The following CMIP variants were observed in gnomAD, a reference collection of about 807,000 sequenced individuals.
CMIP encodes the protein C-Maf-inducing protein.
A neutral mutation model predicts 97.3 loss-of-function variants in CMIP; 13 were observed. The observed-to-expected ratio is 0.13, with a 90% CI of 0.09 to 0.21. The LOEUF is 0.21. Among genes scored for constraint, CMIP ranks in the 10% least tolerant of loss-of-function variants. CMIP has a pLI of 1.00. For synonymous variants in CMIP, 538 were observed against 436.3 expected, an observed-to-expected ratio of 1.23 and a Z score of -2.91; for missense variants, 847 against 1,024.9, an observed-to-expected ratio of 0.83 and a Z score of 2.37.
intron 1 of CMIP, among the ~76,000 whole-genome samples, chr16:81,562,000 G>A (rs2090892763): frequency 6.6e-6 from 1 of 152,184 alleles, no homozygotes; most frequent in South Asian, 2.1e-4. Flanking sequence ...CTCGGGCAGA[G>A]GACATGACAG....
chr16:81,462,332 C>T (rs965178954), intron 1 of CMIP, among the ~76,000 whole-genome samples: 1 of 152,086 alleles, frequency 6.6e-6, no homozygotes. Flanking sequence ...AATGGTAAGA[C>T]AGAGCAGGGC....
chr16:81,580,946 C>CCAGCCGTCTGA (rs147806065), intron 1 of CMIP, among the ~76,000 whole-genome samples: 5,125 of 152,166 alleles, frequency 0.034, 115 homozygotes, highest in Middle Eastern at 0.075. Context: ...CCCCTCTCTT[C>CCAGCCGTCTGA]CAGCCCCCTG....
intron 1 of CMIP, among the ~76,000 whole-genome samples, chr16:81,591,907 C>A (rs1169452432): frequency 6.6e-6 from 1 of 151,772 alleles, no homozygotes; most frequent in Non-Finnish European, 1.5e-5. Flanking sequence ...TCACTGCACC[C>A]TCCACCTCCC....
intron 4 of CMIP, among the ~76,000 whole-genome samples, chr16:81,657,280 T>C (rs2092494195): frequency 1.3e-5 from 2 of 152,208 alleles, no homozygotes; most frequent in Non-Finnish European, 2.9e-5. Context: ...AACTTCATGT[T>C]CCTTGGGAAC....
intron 1 of CMIP, chr16:81,475,878 T>C (rs984561652): frequency 2.4e-5 from 9 of 371,342 alleles, no homozygotes; most frequent in South Asian, 6.6e-5. Context: ...TCTCAGCTAC[T>C]TGGGAGGCTG....
At chr16:81,707,365 A>G (rs1397230610) in intron 20 of CMIP, among the ~76,000 whole-genome samples, 1 of 152,184 alleles carries the variant, frequency 6.6e-6, no homozygotes, top group Non-Finnish European at 1.5e-5. Context: ...CAGAAATACC[A>G]AGGGCGAGAG....
chr16:81,494,908 A>C (rs763289820), intron 1 of CMIP, among the ~76,000 whole-genome samples: 6 of 152,208 alleles, frequency 3.9e-5, no homozygotes, highest in Non-Finnish European at 8.8e-5. Context: ...GAAGCCCGTG[A>C]GTTGGGCACC....
At chr16:81,531,882 A>G (rs1192994771) in intron 1 of CMIP, among the ~76,000 whole-genome samples, 1 of 152,174 alleles carries the variant, frequency 6.6e-6, no homozygotes, top group Non-Finnish European at 1.5e-5. Context: ...TCTCACCTCC[A>G]TTGCTATTTG....
chr16:81,458,990 ATCACTGTCACCATCACCG>A (rs1906732598), intron 1 of CMIP, among the ~76,000 whole-genome samples: 2 of 152,004 alleles, frequency 1.3e-5, no homozygotes, highest in African/African-American at 2.4e-5. Context: ...CGCTGTCACC[ATCACTGTCACCATCACCG>A]TCACCGTCAC....
intron 11 of CMIP, among the ~76,000 whole-genome samples, chr16:81,692,420 G>A (rs1369319071): frequency 6.6e-6 from 1 of 152,186 alleles, no homozygotes; most frequent in African/African-American, 2.4e-5. Context: ...CTGTCTGGTG[G>A]ATAATGGCCT....
intron 1 of CMIP, among the ~76,000 whole-genome samples, chr16:81,601,478 G>A (rs1022582238): frequency 4.5e-4 from 68 of 152,124 alleles, no homozygotes; most frequent in African/African-American, 1.6e-3. Flanking sequence ...GCCATATCTG[G>A]TTTGGAATGC....
chr16:81,578,339 C>T (rs560359951), intron 1 of CMIP, among the ~76,000 whole-genome samples: 1 of 152,366 alleles, frequency 6.6e-6, no homozygotes, highest in South Asian at 2.1e-4. Flanking sequence ...CTCTTTCCTG[C>T]TCTTCCTGGG....
At chr16:81,600,605 G>A (rs1455518247) in intron 1 of CMIP, among the ~76,000 whole-genome samples, 2 of 152,188 alleles carry the variant, frequency 1.3e-5, no homozygotes, top group Non-Finnish European at 2.9e-5. Flanking sequence ...AGGGAGTGAC[G>A]ACTTAATGGT....
intron 1 of CMIP, among the ~76,000 whole-genome samples, 194 bp downstream of exon 1, chr16:81,445,735 C>G (rs1428515790): frequency 6.6e-6 from 1 of 152,140 alleles, no homozygotes; most frequent in Non-Finnish European, 1.5e-5. Context: ...GAAGCCCAAA[C>G]CAGCCGACCG....
chr16:81,507,034 C>G (rs1046302972), intron 1 of CMIP, among the ~76,000 whole-genome samples: 2 of 152,124 alleles, frequency 1.3e-5, no homozygotes, highest in Non-Finnish European at 2.9e-5. Flanking sequence ...AGGTGGATCA[C>G]GAGGTCAGGA....
chr16:81,511,213 C>T (rs2089804109), intron 1 of CMIP, among the ~76,000 whole-genome samples: 1 of 152,134 alleles, frequency 6.6e-6, no homozygotes, highest in South Asian at 2.1e-4. Context: ...TCAGAAATGA[C>T]TTAAATAGGA....
intron 6 of CMIP, among the ~76,000 whole-genome samples, chr16:81,662,288 G>A (rs1191950173): frequency 6.6e-6 from 1 of 152,160 alleles, no homozygotes; most frequent in East Asian, 1.9e-4. Context: ...CTGGATATTT[G>A]TTGTAGAACA....
chr16:81,681,023 C>T (rs1005422390), intron 10 of CMIP, among the ~76,000 whole-genome samples: 12 of 152,192 alleles, frequency 7.9e-5, no homozygotes, highest in African/African-American at 2.7e-4. Context: ...CCTGCCTGCC[C>T]GCATCACCCA....
intron 3 of CMIP, among the ~76,000 whole-genome samples, chr16:81,636,173 T>A (rs1183041595): frequency 8.1e-6 from 1 of 123,588 alleles, no homozygotes; most frequent in Non-Finnish European, 1.8e-5. Flanking sequence ...GGAGTTCTTG[T>A]CCTCTGTATG....
Sources: gnomAD v4.1 joint callset for allele counts (sites outside exome capture counted in the v4.1 genomes callset) on GRCh38, gnomAD v4.1.1 for gene constraint, MANE v1.5 for transcripts, NCBI Gene and HGNC (gene_info 2026-07-23, HGNC 2026-07-21) for gene names.